The following MPC1 variants were observed in gnomAD, a reference collection of about 807,000 sequenced individuals.
MPC1 encodes mitochondrial pyruvate carrier 1.
A neutral mutation model predicts 13.9 loss-of-function variants in MPC1; 6 were observed. The observed-to-expected ratio is 0.43, with a 90% confidence interval of 0.24 to 0.85. MPC1 has a LOEUF of 0.85. MPC1 is among the 40% of genes least tolerant of loss of function. MPC1 has a pLI of 0.24. For synonymous variants in MPC1, 47 were observed against 50.5 expected, an observed-to-expected ratio of 0.93 and a Z score of 0.29; for missense variants, 115 against 143.3, an observed-to-expected ratio of 0.80 and a Z score of 1.01.
At chr6:166,374,399 C>A (rs991686740) in intron 1 of MPC1, among the ~76,000 whole-genome samples, 9 of 152,226 alleles carry the variant, frequency 5.9e-5, no homozygotes, top group African/African-American at 2.2e-4. Context: ...CTCTTGACAG[C>A]ATCCTTCACA....
At chr6:166,380,967 A>G (rs1400228836) in intron 1 of MPC1, among the ~76,000 whole-genome samples, 1 of 151,804 alleles carries the variant, frequency 6.6e-6, no homozygotes, top group Non-Finnish European at 1.5e-5. Flanking sequence ...AAAAAAAAGA[A>G]AAGAAAACGG....
intron 1 of MPC1, among the ~76,000 whole-genome samples, chr6:166,374,958 C>T (rs1779516663): frequency 1.3e-5 from 2 of 152,198 alleles, no homozygotes; most frequent in South Asian, 4.1e-4. Context: ...ACTCCAAAAT[C>T]TGTGTGTTGA....
rs150894720 is a variant in MPC1 at position 166,378,707 on chromosome 6, G to A, written c.71+4099C>T. Among the ~76,000 whole-genome samples, 84 of 152,252 alleles carry A rather than the reference G, an allele frequency of 5.5e-4. 1 individual carries two copies. In the East Asian group the frequency reaches 0.016, roughly 29 times the overall value. Reference sequence around the variant, plus strand: ...CTTAAGAAAAAGGTATTGGAATAGAGACCCAGGAAGTTCTTGATTCAAGAT... The same window carrying A: ...CTTAAGAAAAAGGTATTGGAATAGAAACCCAGGAAGTTCTTGATTCAAGAT... On this transcript the variant is annotated intron_variant, in intron 1 of 4. Transcript: ENST00000360961.
chr6:166,369,126 G>A lies in MPC1; in HGVS notation c.75+1092C>T, dbSNP rs138126572. Among the ~76,000 whole-genome samples, 64 of 152,274 alleles carry A rather than the reference G, an allele frequency of 4.2e-4. 1 individual carries two copies. The highest frequency in any genetic ancestry group is 1.0e-3 in the Admixed American group (16 of 15,284). ...GTTATTAAAAGTTTAAGTATGGGCC[G>A]GGCATGGTGGCTCACACCTGTAATC... is the stretch of plus-strand genomic sequence containing the variant. On this transcript the variant is annotated intron_variant, in intron 2 of 4. Transcript: ENST00000360961.
intron 1 of MPC1, among the ~76,000 whole-genome samples, chr6:166,378,917 C>T (rs2343591): frequency 0.66 from 100,218 of 152,170 alleles, 34,428 homozygotes; most frequent in East Asian, 0.94. Flanking sequence ...TGCCCAAGCT[C>T]ACAAAGCTGG....
intron 3 of MPC1, 70 bp downstream of exon 3, chr6:166,366,725 A>G: frequency 6.9e-7 from 1 of 1,448,376 alleles, no homozygotes; most frequent in Non-Finnish European, 9.7e-7. Flanking sequence ...CTAGTGCTAC[A>G]ATCTTGAAAT....
intron 1 of MPC1, among the ~76,000 whole-genome samples, chr6:166,382,527 A>ACCCACTGTCACCCCCGCCCTGAGGGGCG (rs1365079014): frequency 5.7e-4 from 79 of 138,986 alleles, no homozygotes; most frequent in African/African-American, 2.0e-3. Context: ...GGGAGAGGAC[A>ACCCACTGTCACCCCCGCCCTGAGGGGCG]CCCACTGTCA....
chr6:166,381,605 T>C (rs1214278599), intron 1 of MPC1, among the ~76,000 whole-genome samples: 1 of 152,088 alleles, frequency 6.6e-6, no homozygotes, highest in African/African-American at 2.4e-5. Flanking sequence ...CTAAATAACC[T>C]AAAACTGCTT....
chr6:166,379,502 T>C (rs1779688984), intron 1 of MPC1, among the ~76,000 whole-genome samples: 1 of 152,106 alleles, frequency 6.6e-6, no homozygotes, highest in South Asian at 2.1e-4. Flanking sequence ...TCTAAATAAA[T>C]AAATACACTT....
chr6:166,372,204 AG>A (rs1276665464), intron 1 of MPC1, among the ~76,000 whole-genome samples: 5 of 152,294 alleles, frequency 3.3e-5, no homozygotes, highest in South Asian at 4.1e-4. Context: ...CTGGCCCTTT[AG>A]GTAACTATGA....
At position 166,365,881 on chromosome 6, in the gene MPC1, T is replaced by C. The variant is rs1210571185; in HGVS notation, c.305+93A>G. On this transcript the variant is annotated intron_variant, in intron 4 of 4. Coordinates refer to ENST00000360961, the MANE Select transcript of MPC1 (RefSeq NM_016098.4). This position sits in a 1 kb window ranked among gnomAD's most constrained non-coding sequence, Gnocchi z 4.2. ...TAAAGCGCATCTATACACACTCCAG[T>C]CCCGCAGCACTCCCTCAGAAAAGAT... 4 of 1,520,578 alleles carry C rather than the reference T, an allele frequency of 2.6e-6. No individual in the cohort carries two copies. The African/African-American group carries it at 5.5e-5, about 21-fold the overall frequency. The allele number at this position is 1,520,578 out of a possible 1,614,324, so 94.2% of individuals were successfully genotyped here.
At chr6:166,376,986 C>G (rs1042667114) in intron 1 of MPC1, among the ~76,000 whole-genome samples, 2 of 151,962 alleles carry the variant, frequency 1.3e-5, no homozygotes, top group African/African-American at 4.8e-5. Context: ...TACTATTTAC[C>G]ATATTTGTTA....
intron 1 of MPC1, among the ~76,000 whole-genome samples, chr6:166,370,652 A>T (rs1311278716): frequency 1.3e-5 from 2 of 152,170 alleles, no homozygotes; most frequent in African/African-American, 2.4e-5. Flanking sequence ...CCAGGAATTC[A>T]CTATTAATCT....
chr6:166,368,390 T>A (rs1252211905), intron 2 of MPC1, among the ~76,000 whole-genome samples: 1 of 152,026 alleles, frequency 6.6e-6, no homozygotes, highest in African/African-American at 2.4e-5. Flanking sequence ...ACCCTGTCTC[T>A]ACTAAAAATA....
At chr6:166,382,142 G>A (rs1320908735) in intron 1 of MPC1, among the ~76,000 whole-genome samples, 1 of 152,224 alleles carries the variant, frequency 6.6e-6, no homozygotes, top group Non-Finnish European at 1.5e-5. Context: ...AACTGGCCCG[G>A]AGGGACGTGC....
At chr6:166,371,571 T>C (rs769939036) in intron 1 of MPC1, among the ~76,000 whole-genome samples, 3 of 152,178 alleles carry the variant, frequency 2.0e-5, no homozygotes, top group Admixed American at 6.5e-5. Flanking sequence ...GTCCAAAGAA[T>C]TCTACTAGTT....
chr6:166,367,154 C>T, intron 2 of MPC1: 2 of 1,291,728 alleles, frequency 1.5e-6, no homozygotes, highest in Non-Finnish European at 2.0e-6. Context: ...CTACTGGTTT[C>T]CACACTACAA....
chr6:166,381,413 T>A (rs112335590), intron 1 of MPC1, among the ~76,000 whole-genome samples: 58 of 152,358 alleles, frequency 3.8e-4, no homozygotes, highest in African/African-American at 6.5e-4. Flanking sequence ...AAAACTTTTT[T>A]ATTGCTAAAA....
chr6:166,372,837 C>T (rs1779429759), intron 1 of MPC1, among the ~76,000 whole-genome samples: 1 of 151,884 alleles, frequency 6.6e-6, no homozygotes, highest in East Asian at 1.9e-4. Flanking sequence ...TCTTGATTTT[C>T]TCTTTATTTG....
Sources: gnomAD v4.1 joint callset for allele counts (sites outside exome capture counted in the v4.1 genomes callset) on GRCh38, gnomAD v4.1.1 for gene constraint, Gnocchi (gnomAD v3.1) non-coding constraint, MANE v1.5 for transcripts, NCBI Gene and HGNC (gene_info 2026-07-23, HGNC 2026-07-21) for gene names.